DUSP22: variants seen among roughly 807,000 people sequenced by gnomAD.
The protein encoded by DUSP22 is dual specificity protein phosphatase 22.
In DUSP22, 24 loss-of-function variants were observed where a neutral mutation model predicts 24.5. The ratio of observed to expected loss-of-function variants is 0.98; its 90% confidence interval spans 0.71 to 1.38. The LOEUF is 1.38. Among genes scored for constraint, DUSP22 ranks in the 40% most tolerant of loss-of-function variants. DUSP22 has a pLI of 0.00. For synonymous variants in DUSP22, 160 were observed against 106.4 expected, an observed-to-expected ratio of 1.50 and a Z score of -3.10; for missense variants, 330 against 269.2, an observed-to-expected ratio of 1.23 and a Z score of -1.58.
At chr6:339,544 A>AG (rs1302282436) in intron 4 of DUSP22, among the ~76,000 whole-genome samples, 12 of 152,408 alleles carry the variant, frequency 7.9e-5, no homozygotes, top group African/African-American at 2.6e-4. Context: ...AAGTAATTAC[A>AG]GATTTTTTTT....
chr6:321,542 A>G (rs1200539308), intron 3 of DUSP22, among the ~76,000 whole-genome samples: 1 of 152,304 alleles, frequency 6.6e-6, no homozygotes, highest in East Asian at 1.9e-4. Flanking sequence ...TTAGAAGTGA[A>G]AGAGTCAGAT....
At chr6:305,995 G>A (rs907638022) in intron 2 of DUSP22, among the ~76,000 whole-genome samples, 1 of 152,292 alleles carries the variant, frequency 6.6e-6, no homozygotes, top group Non-Finnish European at 1.5e-5. Flanking sequence ...TCACTATTAG[G>A]CCTCAAAGAG....
chr6:300,541 G>A (rs1757531382), intron 1 of DUSP22, among the ~76,000 whole-genome samples: 2 of 152,430 alleles, frequency 1.3e-5, no homozygotes, highest in South Asian at 4.1e-4. Flanking sequence ...GTTCAAAGAG[G>A]AGCACATGAG....
At chr6:295,418 A>G (rs1757279289) in intron 1 of DUSP22, among the ~76,000 whole-genome samples, 1 of 152,276 alleles carries the variant, frequency 6.6e-6, no homozygotes, top group African/African-American at 2.4e-5. Context: ...AGGTGTACGC[A>G]GCAGATTATA....
At chr6:302,063 A>G (rs1757603372) in intron 1 of DUSP22, among the ~76,000 whole-genome samples, 1 of 152,302 alleles carries the variant, frequency 6.6e-6, no homozygotes, top group African/African-American at 2.4e-5. Flanking sequence ...TAGTGCATGC[A>G]CAGGACTGGA....
Position 346,045 on chromosome 6 carries a change from C to G in DUSP22, c.263+117C>G, listed in dbSNP as rs113174243. On this transcript the variant is annotated intron_variant, in intron 5 of 6. Transcript: ENST00000419235. ...ACCTCCTAATAGTTTTCTGTAAACC[C>G]TGACTCTCAAACGCGTGCTCCATTT... is the stretch of plus-strand genomic sequence containing the variant. 1.7e-3 allele frequency: 2,229 copies of G among 1,320,890 alleles called. No individual in the cohort carries two copies. The Middle Eastern group carries it at 0.017, about 10-fold the overall frequency. 81.8% of individuals were successfully genotyped at this position (1,320,890 alleles called of 1,614,324 possible).
chr6:339,746 TC>T (rs1459971705), intron 4 of DUSP22, among the ~76,000 whole-genome samples: 2 of 152,308 alleles, frequency 1.3e-5, no homozygotes, highest in Non-Finnish European at 2.9e-5. Flanking sequence ...CGGTAAAACG[TC>T]CTTGCCTTAT....
At position 349,086 on chromosome 6, in the gene DUSP22, C is replaced by G. The variant is rs1315647542; in HGVS notation, c.*135C>G. 4 of 1,467,482 alleles carry G rather than the reference C, an allele frequency of 2.7e-6. No homozygotes were observed. Among genetic ancestry groups the G allele is most frequent in the Non-Finnish European group, 3.6e-6 (4 of 1,111,792 alleles). The allele number at this position is 1,467,482 out of a possible 1,614,324, so 90.9% of individuals were successfully genotyped here. A position where few individuals can be genotyped will look rare whatever the true frequency, so the allele number is the denominator to read the frequency against. Reference sequence around the variant, plus strand: ...GAGGTGGGGCGAGGGCTCCTTCCCCCAAGCAACACCGCCCAGCCCTGCTCC... The same window carrying G: ...GAGGTGGGGCGAGGGCTCCTTCCCCGAAGCAACACCGCCCAGCCCTGCTCC... On this transcript the variant is annotated 3_prime_UTR_variant, in exon 7 of 7. Transcript: ENST00000419235.
intron 3 of DUSP22, among the ~76,000 whole-genome samples, chr6:330,803 A>G (rs1269837540): frequency 6.6e-6 from 1 of 152,310 alleles, no homozygotes. Context: ...CTTCACTAGA[A>G]AGCTGTCCTT....
chr6:296,040 C>G (rs1757314111), intron 1 of DUSP22, among the ~76,000 whole-genome samples: 1 of 131,396 alleles, frequency 7.6e-6, no homozygotes. Context: ...GCTAATTCAT[C>G]CCAAGTAAGT....
intron 3 of DUSP22, among the ~76,000 whole-genome samples, chr6:332,215 A>G (rs1759172084): frequency 6.6e-6 from 1 of 152,304 alleles, no homozygotes; most frequent in African/African-American, 2.4e-5. Context: ...TATAATCTTG[A>G]CTCAGGTTTT....
rs1382895803 is a variant in DUSP22, at chr6:296,284, G to T, written c.21+3724G>T. On this transcript the variant is annotated intron_variant, in intron 1 of 6. Transcript: ENST00000419235. ...CCAATGAGTTTATGGTGTGTTTTGAGTACTTTACCACATAGAGTAAGCCAC... is the reference window on the plus strand; with the variant it reads ...CCAATGAGTTTATGGTGTGTTTTGATTACTTTACCACATAGAGTAAGCCAC... Among the ~76,000 whole-genome samples the T allele has an allele frequency of 9.2e-5, 14 of 152,406 alleles. No individual in the cohort carries two copies. The East Asian group carries it at 1.9e-3, about 21-fold the overall frequency.
At chr6:294,845 C>T (rs963122023) in intron 1 of DUSP22, among the ~76,000 whole-genome samples, 2 of 152,374 alleles carry the variant, frequency 1.3e-5, no homozygotes, top group South Asian at 4.1e-4. Flanking sequence ...ATAAAATAGG[C>T]AATTTCAGAA....
intron 1 of DUSP22, among the ~76,000 whole-genome samples, chr6:293,254 C>G (rs1385134627): frequency 6.6e-6 from 1 of 152,290 alleles, no homozygotes; most frequent in Non-Finnish European, 1.5e-5. Context: ...TTGCCCGCAC[C>G]TCACTTCCCG....
intron 3 of DUSP22, among the ~76,000 whole-genome samples, chr6:333,678 C>T (rs1759235923): frequency 6.6e-6 from 1 of 152,306 alleles, no homozygotes; most frequent in South Asian, 2.1e-4. Flanking sequence ...CAGGAGTGAT[C>T]CCCAGAAAAC....
chr6:349,628 C>T lies in DUSP22; in HGVS notation c.*677C>T, dbSNP rs1445124375. The stretch of plus-strand genomic sequence containing the variant: ...AGGGTGGCTCTGGGGCCCTGGAAAA[C>T]GTGAGAGACTGCCCTGAGCTGGTCC... On this transcript the variant is annotated 3_prime_UTR_variant, in exon 7 of 7. Transcript: ENST00000419235. 34 of 987,082 alleles carry T rather than the reference C, an allele frequency of 3.4e-5. No individual in the cohort carries two copies. The highest frequency in any genetic ancestry group is 1.4e-4 in the South Asian group (3 of 21,328). 61.1% of individuals were successfully genotyped at this position (987,082 alleles called of 1,614,324 possible).
chr6:350,719 T>C lies in DUSP22; in HGVS notation c.*1768T>C. The stretch of plus-strand genomic sequence containing the variant: ...CAGAAAAATGATTTAGGATATAGCT[T>C]GAATGCTTAAATATGTGCACCTTTA... On this transcript the variant is annotated 3_prime_UTR_variant, in exon 7 of 7. Transcript: ENST00000419235. The C allele has an allele frequency of 1.2e-6, 2 of 1,607,538 alleles. No individual in the cohort carries two copies. Among genetic ancestry groups the C allele is most frequent in the Admixed American group, 3.4e-5 (2 of 59,028 alleles).
At chr6:311,170 A>G (rs1421249209) in intron 2 of DUSP22, among the ~76,000 whole-genome samples, 2 of 152,202 alleles carry the variant, frequency 1.3e-5, no homozygotes, top group Admixed American at 1.3e-4. Flanking sequence ...TACGATATTG[A>G]ACTATGATGT....
At position 346,797 on chromosome 6, in the gene DUSP22, G is replaced by A. The variant is rs531873849; in HGVS notation, c.263+869G>A. ...TTAGGACTGTGAAGTGATAACTCCTGGGGAATATTGCTGCTGAGGTTGGTG... is the reference window on the plus strand; with the variant it reads ...TTAGGACTGTGAAGTGATAACTCCTAGGGAATATTGCTGCTGAGGTTGGTG... On this transcript the variant is annotated intron_variant, in intron 5 of 6. Transcript: ENST00000419235. Among the ~76,000 whole-genome samples, 3 of 152,428 alleles carry A rather than the reference G, an allele frequency of 2.0e-5. No individual in the cohort carries two copies. The East Asian group carries it at 5.8e-4, about 29-fold the overall frequency.
Sources: allele counts gnomAD v4.1 joint callset (sites outside exome capture counted in the v4.1 genomes callset), GRCh38; gene constraint gnomAD v4.1.1; transcripts MANE v1.5; gene names NCBI Gene and HGNC (gene_info 2026-07-23, HGNC 2026-07-21).